CAPN6: variants seen among roughly 807,000 people sequenced by gnomAD.
CAPN6 encodes the protein calpain 6, also known as calpain-6.
CAPN6 carries 16 observed loss-of-function variants against 46.0 expected under a neutral mutation model. The ratio of observed to expected loss-of-function variants is 0.35; its 90% CI spans 0.24 to 0.53. CAPN6 has a LOEUF of 0.53. Ranked by LOEUF, CAPN6 falls within the 20% of genes least tolerant of loss-of-function variation. The pLI is 0.94. For synonymous variants in CAPN6, 206 were observed against 172.8 expected (o/e 1.19, Z -1.51); for missense variants, 461 against 498.0 (o/e 0.93, Z 0.71).
chrX:111,253,715 A>G (rs1386484022), intron 3 of CAPN6, among the ~76,000 whole-genome samples: 4 of 112,238 alleles, frequency 3.6e-5, no homozygotes, highest in Non-Finnish European at 7.5e-5. Flanking sequence ...TTTTTTGTAT[A>G]ACAGCTACAC....
intron 11 of CAPN6, among the ~76,000 whole-genome samples, 165 bp downstream of exon 11, chrX:111,247,706 G>A (rs948099293): frequency 1.8e-5 from 2 of 111,470 alleles, no homozygotes; most frequent in African/African-American, 6.5e-5. Flanking sequence ...TCTAATGTAG[G>A]CCTTGCTTGA....
At chrX:111,256,118 G>A (rs1470329855) in intron 2 of CAPN6, among the ~76,000 whole-genome samples, 1 of 111,473 alleles carries the variant, frequency 9.0e-6, no homozygotes, top group Non-Finnish European at 1.9e-5. Context: ...ATAATTTCTG[G>A]CCAGGTGTGG....
intron 2 of CAPN6, 100 bp downstream of exon 2, chrX:111,263,671 TA>T: frequency 1.7e-6 from 1 of 599,296 alleles, no homozygotes; most frequent in Non-Finnish European, 2.5e-6. Context: ...GGTTAACTTC[TA>T]AATTGGTCTA....
chrX:111,256,848 C>A (rs893676112), intron 2 of CAPN6, among the ~76,000 whole-genome samples: 1 of 74,403 alleles, frequency 1.3e-5, no homozygotes, highest in Non-Finnish European at 2.1e-5. Context: ...ATTTGGGACC[C>A]CCCCCCCCAC....
intron 2 of CAPN6, among the ~76,000 whole-genome samples, chrX:111,260,558 C>A (rs1017371865): frequency 8.9e-6 from 1 of 112,226 alleles, no homozygotes; most frequent in Non-Finnish European, 1.9e-5. Flanking sequence ...GGGAGGCCAA[C>A]GGCTCATCTG....
intron 2 of CAPN6, among the ~76,000 whole-genome samples, chrX:111,261,806 C>A (rs2094988107): frequency 8.9e-6 from 1 of 111,759 alleles, no homozygotes; most frequent in African/African-American, 3.3e-5. Context: ...CCCACCTCCT[C>A]CACCTCACCC....
Position 111,246,612 on chromosome X carries a change from T to C in CAPN6, c.1891A>G (p.Lys631Glu). The C allele has an allele frequency of 8.3e-7, 1 of 1,211,335 alleles. No homozygotes were observed. The highest frequency in any genetic ancestry group is 1.1e-6 in the Non-Finnish European group (1 of 895,228). ...GTGAGATCATCGCTGGAAATAACCT[T>C]GAAGCTGATGTGGCCTTGCTTGACT... The part of the protein sequence containing the change: ...AKVKQGHISF[K>E]VISSDDLTEL The change falls in exon 13 of 13, where the codon AAG becomes GAG. Residue 631 changes from lysine (K) to glutamate (E), a missense_variant. Lys to Glu is a moderately conservative substitution (Grantham distance 56, BLOSUM62 1). Coordinates refer to ENST00000324068, the MANE Select transcript of CAPN6 (RefSeq NM_014289.4).
intron 11 of CAPN6, 40 bp downstream of exon 11, chrX:111,247,831 A>C: frequency 1.7e-6 from 2 of 1,192,633 alleles, no homozygotes; most frequent in Non-Finnish European, 2.3e-6. Context: ...CTATAAATGC[A>C]ACTGAATTTT....
intron 1 of CAPN6, among the ~76,000 whole-genome samples, chrX:111,265,316 T>A (rs2094990975): frequency 8.9e-6 from 1 of 112,602 alleles, no homozygotes; most frequent in Admixed American, 9.4e-5. Flanking sequence ...ATTACAATGT[T>A]ATTTGCAATG....
Position 111,246,275 on chromosome X carries a change from C to T in CAPN6, c.*302G>A, listed in dbSNP as rs2094974408. On this transcript the variant is annotated 3_prime_UTR_variant, in exon 13 of 13. Coordinates refer to ENST00000324068, the MANE Select transcript of CAPN6 (RefSeq NM_014289.4). ...TCAAAGACATCTGTAGGGTGTCCAG[C>T]CTCTTGTTATTGTCCTACTTGAATC... 2 of 287,421 alleles carry T rather than the reference C, an allele frequency of 7.0e-6. No homozygotes were observed. Among genetic ancestry groups the T allele is most frequent in the South Asian group, 1.6e-4 (2 of 12,486 alleles). The allele number at this position is 287,421 out of a possible 1,213,427, so 23.7% of individuals were successfully genotyped here. A position where few individuals can be genotyped will look rare whatever the true frequency, so the allele number is the denominator to read the frequency against.
At chrX:111,264,261 A>C (rs762966516) in intron 1 of CAPN6, among the ~76,000 whole-genome samples, 1 of 111,988 alleles carries the variant, frequency 8.9e-6, no homozygotes, top group Non-Finnish European at 1.9e-5. Flanking sequence ...TTGTGAATTA[A>C]ATGTGATTCA....
chrX:111,267,969 T>G (rs187610914), intron 1 of CAPN6, among the ~76,000 whole-genome samples: 2 of 112,266 alleles, frequency 1.8e-5, no homozygotes, highest in Non-Finnish European at 3.8e-5. Context: ...TAGGAAAAAG[T>G]AATACAAATT....
intron 2 of CAPN6, among the ~76,000 whole-genome samples, chrX:111,256,529 A>G (rs1235291021): frequency 8.9e-6 from 1 of 112,424 alleles, no homozygotes; most frequent in Non-Finnish European, 1.9e-5. Context: ...TTATTTGCTA[A>G]TTTTATGTAG....
At chrX:111,248,509 G>T in intron 10 of CAPN6, 60 bp downstream of exon 10, 1 of 894,218 alleles carries the variant, frequency 1.1e-6, no homozygotes, top group South Asian at 2.0e-5. Flanking sequence ...GGGTGAAGGG[G>T]TTTAGGATTG....
At chrX:111,268,439 ATG>A (rs1449007971) in intron 1 of CAPN6, among the ~76,000 whole-genome samples, 3 of 112,557 alleles carry the variant, frequency 2.7e-5, no homozygotes, top group African/African-American at 9.7e-5. Context: ...TATTGGGAGA[ATG>A]TAATGAAATT....
Position 111,251,300 on chromosome X carries a change from G to C in CAPN6, c.894-14C>G. ...CACTCTTCAGAACTGAAAGTAAATA[G>C]AAAAAAAAAAAAAAGATAAATCATT... On this transcript the variant is annotated splice_polypyrimidine_tract_variant and intron_variant, in intron 6 of 12. Coordinates refer to ENST00000324068, the MANE Select transcript of CAPN6 (RefSeq NM_014289.4). 2 of 928,942 alleles carry C rather than the reference G, an allele frequency of 2.2e-6. No individual in the cohort carries two copies. The highest frequency in any genetic ancestry group is 2.9e-6 in the Non-Finnish European group (2 of 687,400). The allele number at this position is 928,942 out of a possible 1,213,427, so 76.6% of individuals were successfully genotyped here.
chrX:111,262,019 T>G (rs1195299343), intron 2 of CAPN6, among the ~76,000 whole-genome samples: 3 of 111,709 alleles, frequency 2.7e-5, no homozygotes, highest in Non-Finnish European at 5.6e-5. Flanking sequence ...AAAAGAGGGA[T>G]GCCCCTTATT....
intron 2 of CAPN6, among the ~76,000 whole-genome samples, chrX:111,260,566 C>G (rs1250258840): frequency 8.9e-6 from 1 of 112,221 alleles, no homozygotes; most frequent in Non-Finnish European, 1.9e-5. Flanking sequence ...AACGGCTCAT[C>G]TGGCCTTCCT....
At position 111,246,526 on chromosome X, in the gene CAPN6, C is replaced by T. The variant is rs774548980; in HGVS notation, c.*51G>A. The T allele has an allele frequency of 5.7e-5, 60 of 1,058,111 alleles. No individual in the cohort carries two copies. Among genetic ancestry groups the T allele is most frequent in the Admixed American group, 5.0e-4 (21 of 41,784 alleles). The allele number at this position is 1,058,111 out of a possible 1,213,427, so 87.2% of individuals were successfully genotyped here. ...ATCTTAACTAAGACCTGGCACCTGA[C>T]GGAAAATAAAAGGGTGGCACGCTTT... On this transcript the variant is annotated 3_prime_UTR_variant, in exon 13 of 13. Transcript: ENST00000324068.
Sources: allele counts gnomAD v4.1 joint callset (sites outside exome capture counted in the v4.1 genomes callset), GRCh38; gene constraint gnomAD v4.1.1; transcripts MANE v1.5; gene names NCBI Gene and HGNC (gene_info 2026-07-23, HGNC 2026-07-21).